The following INPP4B variants were observed in gnomAD, a reference collection of about 807,000 sequenced individuals.
INPP4B encodes inositol polyphosphate 4-phosphatase type II.
INPP4B carries 55 observed loss-of-function variants against 122.5 expected under a neutral mutation model. The ratio of observed to expected loss-of-function variants is 0.45; its 90% CI spans 0.36 to 0.56. The LOEUF is 0.56. INPP4B is among the 20% of genes least tolerant of loss of function. The probability of loss-of-function intolerance (pLI) is 0.00; values close to 1 mark genes in which losing one functional copy is unlikely to be tolerated. For synonymous variants in INPP4B, 403 were observed against 388.7 expected, an observed-to-expected ratio of 1.04 and a Z score of -0.43; for missense variants, 1,000 against 1,097.7, an observed-to-expected ratio of 0.91 and a Z score of 1.26.
chr4:142,825,351 ATGTATTACATAGGTTGAAGATTTTAC>A (rs1781328365), intron 1 of INPP4B, among the ~76,000 whole-genome samples: 1 of 152,104 alleles, frequency 6.6e-6, no homozygotes, highest in Admixed American at 6.6e-5. Flanking sequence ...TTTTCACTAA[ATGTATTACATAGGTTGAAGATTTTAC>A]TGTAACTTTG....
chr4:142,700,248 T>C (rs1761556589), intron 2 of INPP4B, among the ~76,000 whole-genome samples: 1 of 152,176 alleles, frequency 6.6e-6, no homozygotes, highest in South Asian at 2.1e-4. Flanking sequence ...AATGAGGAAT[T>C]TGAACAATAC....
chr4:142,612,686 A>G (rs1166828104), intron 2 of INPP4B, among the ~76,000 whole-genome samples: 2 of 152,180 alleles, frequency 1.3e-5, no homozygotes, highest in African/African-American at 4.8e-5. Flanking sequence ...AGGAAAGGGA[A>G]AGAAAACTCC....
At chr4:142,073,241 AGTGTAAT>A (rs1474339600) in intron 25 of INPP4B, among the ~76,000 whole-genome samples, 1 of 152,138 alleles carries the variant, frequency 6.6e-6, no homozygotes, top group East Asian at 1.9e-4. Flanking sequence ...AAGAGAATGG[AGTGTAAT>A]TATGCATAAT....
intron 12 of INPP4B, among the ~76,000 whole-genome samples, chr4:142,216,500 C>A (rs1847333029): frequency 6.6e-6 from 1 of 152,158 alleles, no homozygotes; most frequent in Non-Finnish European, 1.5e-5. Flanking sequence ...ACATCTAGTG[C>A]TCTATAGATC....
chr4:142,492,919 A>C (rs1015940285), intron 2 of INPP4B, among the ~76,000 whole-genome samples: 2 of 152,190 alleles, frequency 1.3e-5, no homozygotes, highest in African/African-American at 2.4e-5. Flanking sequence ...GTCCCATCAC[A>C]GCCCTGGAGA....
At chr4:142,164,011 G>T (rs1020211916) in intron 16 of INPP4B, among the ~76,000 whole-genome samples, 1 of 151,546 alleles carries the variant, frequency 6.6e-6, no homozygotes, top group Non-Finnish European at 1.5e-5. Flanking sequence ...CTGAACGTAA[G>T]GCAGATCTAT....
chr4:142,725,594 C>T (rs927911385), intron 2 of INPP4B, among the ~76,000 whole-genome samples: 4 of 152,080 alleles, frequency 2.6e-5, no homozygotes, highest in African/African-American at 9.7e-5. Flanking sequence ...TTAACATAAA[C>T]TTCAAAATGG....
intron 2 of INPP4B, among the ~76,000 whole-genome samples, chr4:142,639,298 T>A (rs557778032): frequency 7.2e-5 from 11 of 152,348 alleles, no homozygotes; most frequent in African/African-American, 2.6e-4. Context: ...GAAAGTACTC[T>A]GCTTCTACCA....
chr4:142,649,688 C>A lies in INPP4B; in HGVS notation c.-191+76151G>T, dbSNP rs1194233990. 2.6e-5 allele frequency among the ~76,000 whole-genome samples: 4 copies of A among 152,108 alleles called. No individual in the cohort carries two copies. The East Asian group carries it at 7.7e-4, about 29-fold the overall frequency. The stretch of plus-strand genomic sequence containing the variant: ...GAAGAAAAGAGTAAAAAGAAATGAA[C>A]AAAACCTCCAAGAAATACAGGACTA... On this transcript the variant is annotated intron_variant, in intron 2 of 25. Transcript: ENST00000262992.
chr4:142,040,391 C>CTA (rs1746645612), intron 25 of INPP4B, among the ~76,000 whole-genome samples: 3 of 152,250 alleles, frequency 2.0e-5, no homozygotes. Flanking sequence ...GAAATGGGCA[C>CTA]ATCAGTGGCT....
At chr4:142,445,725 T>C (rs1054239434) in intron 3 of INPP4B, among the ~76,000 whole-genome samples, 2 of 152,096 alleles carry the variant, frequency 1.3e-5, no homozygotes, top group African/African-American at 2.4e-5. Flanking sequence ...TGCCTAACAA[T>C]AGAGTACATA....
At chr4:142,617,638 G>A (rs1445215905) in intron 2 of INPP4B, among the ~76,000 whole-genome samples, 2 of 152,036 alleles carry the variant, frequency 1.3e-5, no homozygotes, top group Admixed American at 1.3e-4. Flanking sequence ...ACAACGAGCT[G>A]GCATTATCCT....
intron 21 of INPP4B, among the ~76,000 whole-genome samples, chr4:142,119,837 A>T (rs1396370367): frequency 1.3e-5 from 2 of 150,918 alleles, no homozygotes; most frequent in Non-Finnish European, 3.0e-5. Context: ...ACACATATAT[A>T]TACATATATA....
rs117522343 is a variant in INPP4B at position 142,783,682 on chromosome 4, G to A, written c.-253-57781C>T. Among the ~76,000 whole-genome samples, 89 of 152,222 alleles carry A rather than the reference G, an allele frequency of 5.8e-4. 1 individual carries two copies. In the East Asian group the frequency reaches 0.015, roughly 25 times the overall value. ...AAATTTAGAATCCTCTGTGTACTCT[G>A]CAAAACATTAAAATGACAGAAATAT... On this transcript the variant is annotated intron_variant, in intron 1 of 25. Transcript: ENST00000262992.
intron 18 of INPP4B, among the ~76,000 whole-genome samples, chr4:142,133,700 C>T (rs998091663): frequency 1.3e-5 from 2 of 152,170 alleles, no homozygotes; most frequent in African/African-American, 4.8e-5. Flanking sequence ...CATCATTATC[C>T]TTATTTGATC....
chr4:142,421,803 G>T (rs974055871), intron 5 of INPP4B, among the ~76,000 whole-genome samples: 24 of 152,052 alleles, frequency 1.6e-4, no homozygotes, highest in African/African-American at 5.6e-4. Context: ...TGATGCCATT[G>T]TTACAATGAA....
intron 2 of INPP4B, among the ~76,000 whole-genome samples, chr4:142,659,300 G>A (rs28846169): frequency 0.046 from 6,972 of 151,642 alleles, 495 homozygotes; most frequent in African/African-American, 0.15. Flanking sequence ...CAGCTACCCC[G>A]GATGCTGAGG....
At chr4:142,763,384 G>T (rs1771624760) in intron 1 of INPP4B, among the ~76,000 whole-genome samples, 3 of 152,086 alleles carry the variant, frequency 2.0e-5, no homozygotes, top group Admixed American at 6.6e-5. Context: ...ATAATATTTT[G>T]ATAGATATTA....
rs191662220 is a variant in INPP4B, at chr4:142,239,259, T to G, written c.689-1248A>C. 1.3e-4 allele frequency among the ~76,000 whole-genome samples: 20 copies of G among 152,164 alleles called. No individual in the cohort carries two copies. The East Asian group carries it at 3.1e-3, about 24-fold the overall frequency. On this transcript the variant is annotated intron_variant, in intron 11 of 25. Coordinates refer to ENST00000262992, the MANE Select transcript of INPP4B (RefSeq NM_001101669.3). ...ATAATGGAAATTTTGATTTCGAACA[T>G]CCCATTCTTCAACCACCAGATTCAA...
Sources: gnomAD v4.1 joint callset for allele counts (sites outside exome capture counted in the v4.1 genomes callset) on GRCh38, gnomAD v4.1.1 for gene constraint, MANE v1.5 for transcripts, NCBI Gene and HGNC (gene_info 2026-07-23, HGNC 2026-07-21) for gene names.